Variants in FHAD1 observed in about 807,000 individuals in gnomAD.
FHAD1 encodes the protein forkhead-associated domain-containing protein 1.
In FHAD1, 146 loss-of-function variants were observed where a neutral mutation model predicts 191.3. The observed-to-expected ratio is 0.76, with a 90% CI of 0.67 to 0.88. The LOEUF is 0.88. Among genes scored for constraint, FHAD1 ranks in the 40% least tolerant of loss-of-function variants. FHAD1 has a pLI of 0.00. For synonymous variants in FHAD1, 616 were observed against 672.3 expected (o/e 0.92, Z 1.29); for missense variants, 1,635 against 1,785.8 (o/e 0.92, Z 1.52).
At chr1:15,248,924 C>A (rs1300901425) in intron 1 of FHAD1, among the ~76,000 whole-genome samples, 2 of 150,630 alleles carry the variant, frequency 1.3e-5, no homozygotes, top group Admixed American at 6.6e-5. Flanking sequence ...GCACTCTGCC[C>A]TGGATAGGGA....
chr1:15,242,231 TAA>T (rs36173259), upstream of FHAD1, among the ~76,000 whole-genome samples: 28,296 of 122,398 alleles, frequency 0.23, 3,151 homozygotes, highest in Middle Eastern at 0.3. Flanking sequence ...AGACTCCATC[TAA>T]AAAAAAAAAA....
chr1:15,308,626 A>G lies in FHAD1; in HGVS notation c.929A>G (p.Gln310Arg). 6.4e-7 allele frequency: 1 copy of G among 1,551,752 alleles called. No individual in the cohort carries two copies. Among genetic ancestry groups the G allele is most frequent in the Non-Finnish European group, 8.7e-7 (1 of 1,146,990 alleles). ...QSLKSQISAL[Q>R]KGYSKVLCQT... ...CTCCTCCCACAGATCAGTGCCCTAC[A>G]GAAAGGCTACAGCAAGGTGCTGTGC... The change falls in exon 7 of 34, where the codon CAG becomes CGG. Residue 310 changes from glutamine (Q) to arginine (R), a missense_variant. Transcript: ENST00000688493.
chr1:15,251,442 G>A (rs1269554648), intron 1 of FHAD1, among the ~76,000 whole-genome samples: 1 of 152,198 alleles, frequency 6.6e-6, no homozygotes, highest in Non-Finnish European at 1.5e-5. Flanking sequence ...AGCTTGATGG[G>A]AGGTGGAGAG....
At chr1:15,238,768 A>C (rs1645052914) in intron 1 of FHAD1, among the ~76,000 whole-genome samples, 1 of 152,222 alleles carries the variant, frequency 6.6e-6, no homozygotes, top group African/African-American at 2.4e-5. Context: ...GCTGGGGAGA[A>C]GTCTGGTTAA....
intron 2 of FHAD1, 48 bp from the exon 3 acceptor site, chr1:15,272,275 T>G: frequency 6.7e-7 from 1 of 1,497,836 alleles, no homozygotes; most frequent in Non-Finnish European, 9.1e-7. Flanking sequence ...TTAGGGGCCG[T>G]GTCATTTTTG....
chr1:15,366,697 C>T lies in FHAD1; in HGVS notation c.3154+764C>T, dbSNP rs552234564. On this transcript the variant is annotated intron_variant, in intron 24 of 33. Coordinates refer to ENST00000688493, the MANE Select transcript of FHAD1 (RefSeq NM_001391957.1). Reference sequence around the variant, plus strand: ...GTAGAGACAACACACCTTCTTCCTACGGTTGACATGGACATGAGTGGCCCC... The same window carrying T: ...GTAGAGACAACACACCTTCTTCCTATGGTTGACATGGACATGAGTGGCCCC... Among the ~76,000 whole-genome samples the T allele has an allele frequency of 5.3e-5, 8 of 152,296 alleles. 1 individual carries two copies. In the South Asian group the frequency reaches 1.0e-3, roughly 20 times the overall value.
In FHAD1 at chr1:15,367,639, C is replaced by T; in HGVS notation, c.3314+17C>T. 3.9e-6 allele frequency: 2 copies of T among 507,186 alleles called. No individual in the cohort carries two copies. The highest frequency in any genetic ancestry group is 7.2e-6 in the Non-Finnish European group (2 of 278,426). 31.4% of individuals were successfully genotyped at this position (507,186 alleles called of 1,614,324 possible). On this transcript the variant is annotated intron_variant, in intron 25 of 33. Transcript: ENST00000688493. ...GGCACTCAGGTTGGGTGGGCGGGGG[C>T]CGGGTTGGGGGGATGGTTTGCCTGC...
chr1:15,284,908 GAGAA>G (rs1661898128), intron 3 of FHAD1, among the ~76,000 whole-genome samples: 1 of 151,406 alleles, frequency 6.6e-6, no homozygotes, highest in Admixed American at 6.6e-5. Flanking sequence ...TATGGTCAGA[GAGAA>G]AGAAAGAGGA....
intron 28 of FHAD1, among the ~76,000 whole-genome samples, chr1:15,378,904 C>A (rs541513149): frequency 1.3e-5 from 2 of 152,116 alleles, no homozygotes; most frequent in African/African-American, 4.8e-5. Flanking sequence ...CCTCCAGACT[C>A]CCCGCTTGGC....
Position 15,265,044 on chromosome 1 carries a change from C to A in FHAD1, c.94-7279C>A, listed in dbSNP as rs551174710. On this transcript the variant is annotated intron_variant, in intron 2 of 33. Transcript: ENST00000688493. The stretch of plus-strand genomic sequence containing the variant: ...ATCCCACTTGGTCATGGTGTATAAT[C>A]CTTTTAATAAGCTGTTGAATTACGT... Among the ~76,000 whole-genome samples, 221 of 152,304 alleles carry A rather than the reference C, an allele frequency of 1.5e-3. 1 individual carries two copies. Among genetic ancestry groups the A allele is most frequent in the South Asian group, 0.011 (53 of 4,828 alleles).
chr1:15,297,807 G>T (rs1189583324), intron 5 of FHAD1, among the ~76,000 whole-genome samples: 1 of 151,412 alleles, frequency 6.6e-6, no homozygotes, highest in Non-Finnish European at 1.5e-5. Flanking sequence ...TTTTTTGCTT[G>T]TTTGTTATTT....
intron 10 of FHAD1, among the ~76,000 whole-genome samples, chr1:15,323,078 C>T (rs749228300): frequency 4.7e-4 from 72 of 152,310 alleles, no homozygotes; most frequent in South Asian, 2.5e-3. Context: ...GAAAGTCCGG[C>T]CCCCATGATT....
chr1:15,381,362 G>A lies in FHAD1; in HGVS notation c.3933G>A (p.Leu1311=), dbSNP rs920552656. ...AGCTTCGACAAAGGGACCTCGACCT[G>A]GTGTTTGATAAGATCACCCAACTCA... The part of the protein sequence containing the change: ...VNQLRQRDLD[L]VFDKITQLKN... The change falls in exon 30 of 34, where the codon CTG becomes CTA. Residue 1311 remains leucine, a synonymous_variant. Transcript: ENST00000688493. This position sits in a 1 kb window ranked among gnomAD's most constrained non-coding sequence, Gnocchi z 4.6. 1.4e-5 allele frequency: 21 copies of A among 1,551,682 alleles called. No individual in the cohort carries two copies. In the Admixed American group the frequency reaches 4.1e-4, roughly 30 times the overall value.
intron 6 of FHAD1, among the ~76,000 whole-genome samples, chr1:15,302,766 G>T (rs1669239745): frequency 3.3e-5 from 5 of 152,180 alleles, no homozygotes; most frequent in African/African-American, 1.2e-4. Flanking sequence ...CAACAAAGTT[G>T]TTAAAAGAGT....
At chr1:15,321,178 C>A (rs896583135) in intron 10 of FHAD1, among the ~76,000 whole-genome samples, 1 of 152,204 alleles carries the variant, frequency 6.6e-6, no homozygotes, top group African/African-American at 2.4e-5. Context: ...GTGATCTGCC[C>A]ACCTTGGCCT....
intron 4 of FHAD1, among the ~76,000 whole-genome samples, chr1:15,290,123 C>G (rs528187319): frequency 6.6e-6 from 1 of 152,174 alleles, no homozygotes; most frequent in Non-Finnish European, 1.5e-5. Context: ...TGACTTCTCC[C>G]GAGGAAGTGT....
chr1:15,393,133 G>T (rs1277027810), intron 33 of FHAD1: 1 of 148,836 alleles, frequency 6.7e-6, no homozygotes, highest in East Asian at 2.0e-4. Context: ...AGAGTGCAGT[G>T]GTGCAATTTC....
At chr1:15,324,105 C>T (rs1041860051) in intron 10 of FHAD1, among the ~76,000 whole-genome samples, 1 of 152,128 alleles carries the variant, frequency 6.6e-6, no homozygotes, top group African/African-American at 2.4e-5. Context: ...AATAACTCTG[C>T]GAAGAGGGAA....
At chr1:15,348,735 A>G (rs926313705) in intron 18 of FHAD1, among the ~76,000 whole-genome samples, 2 of 152,064 alleles carry the variant, frequency 1.3e-5, no homozygotes, top group African/African-American at 4.8e-5. Flanking sequence ...CTCTTTATTC[A>G]GGCTCAGTGC....
Sources: allele counts gnomAD v4.1 joint callset (sites outside exome capture counted in the v4.1 genomes callset), GRCh38; gene constraint gnomAD v4.1.1; non-coding constraint Gnocchi (gnomAD v3.1); transcripts MANE v1.5; gene names NCBI Gene and HGNC (gene_info 2026-07-23, HGNC 2026-07-21).